The following HOMER1 variants were observed in gnomAD, a reference collection of about 807,000 sequenced individuals.
HOMER1 encodes the protein homer scaffold protein 1, also known as homer protein homolog 1.
In HOMER1, 3 loss-of-function variants were observed where a neutral mutation model predicts 48.9. The ratio of observed to expected loss-of-function variants is 0.06; its 90% CI spans 0.03 to 0.16. The LOEUF (loss-of-function observed/expected upper bound fraction) is 0.16. Ranked by LOEUF, HOMER1 falls within the 10% of genes least tolerant of loss-of-function variation. The pLI is 1.00. For missense variants in HOMER1, 247 were observed against 411.4 expected (o/e 0.60, Z 3.46); for synonymous variants, 134 against 146.4 (o/e 0.92, Z 0.61).
intron 5 of HOMER1, among the ~76,000 whole-genome samples, chr5:79,414,285 C>A (rs1749886251): frequency 6.6e-6 from 1 of 150,850 alleles, no homozygotes; most frequent in South Asian, 2.1e-4. Context: ...TGTACAGATG[C>A]AGTTTTGCAG....
intron 4 of HOMER1, among the ~76,000 whole-genome samples, chr5:79,443,223 C>G (rs1191199850): frequency 1.3e-5 from 2 of 152,022 alleles, no homozygotes; most frequent in Admixed American, 6.6e-5. Context: ...TTAATGAAAG[C>G]CAGGCTAAAT....
chr5:79,410,311 G>A (rs898885705), intron 5 of HOMER1, among the ~76,000 whole-genome samples: 1 of 151,794 alleles, frequency 6.6e-6, no homozygotes, highest in African/African-American at 2.4e-5. Flanking sequence ...GACCAACATG[G>A]AGAAACCACG....
chr5:79,430,177 A>G (rs1224806623), intron 5 of HOMER1, among the ~76,000 whole-genome samples: 1 of 152,236 alleles, frequency 6.6e-6, no homozygotes, highest in Non-Finnish European at 1.5e-5. Flanking sequence ...CTCAACAACA[A>G]AGAGACAAAC....
chr5:79,488,467 G>A (rs927776914), intron 1 of HOMER1, among the ~76,000 whole-genome samples: 2 of 152,138 alleles, frequency 1.3e-5, no homozygotes, highest in Admixed American at 6.6e-5. Context: ...TTCCATTCTA[G>A]TTTATACATC....
Position 79,375,745 on chromosome 5 carries a change from C to A in HOMER1, c.*264G>T, listed in dbSNP as rs1342747749. The A allele has an allele frequency of 1.7e-5, 5 of 296,080 alleles. No homozygotes were observed. Among genetic ancestry groups the A allele is most frequent in the Non-Finnish European group, 3.1e-5 (5 of 161,986 alleles). 18.3% of individuals were successfully genotyped at this position (296,080 alleles called of 1,614,324 possible). A position where few individuals can be genotyped will look rare whatever the true frequency, so the allele number is the denominator to read the frequency against. ...GATTGCATTAAGTGTCTATTTATAA[C>A]TTTCTAGTTAACTATGGCCAATAAT... is the stretch of plus-strand genomic sequence containing the variant. On this transcript the variant is annotated 3_prime_UTR_variant, in exon 9 of 9. Transcript: ENST00000334082.
chr5:79,440,957 A>G (rs1750720238), intron 4 of HOMER1, among the ~76,000 whole-genome samples: 1 of 152,164 alleles, frequency 6.6e-6, no homozygotes, highest in African/African-American at 2.4e-5. Context: ...CAGGAGTTCA[A>G]GACCAGCCTG....
chr5:79,404,337 A>G (rs967995892), intron 5 of HOMER1, among the ~76,000 whole-genome samples: 1 of 152,222 alleles, frequency 6.6e-6, no homozygotes, highest in African/African-American at 2.4e-5. Context: ...GTTTTATTTT[A>G]TAGTCACTAG....
chr5:79,412,995 T>C (rs191207295), intron 5 of HOMER1, among the ~76,000 whole-genome samples: 176 of 152,210 alleles, frequency 1.2e-3, no homozygotes, highest in Non-Finnish European at 1.5e-3. Context: ...ATATAATAAC[T>C]GAAATTTAAA....
intron 1 of HOMER1, among the ~76,000 whole-genome samples, chr5:79,512,318 A>G (rs1217338719): frequency 6.6e-6 from 1 of 152,222 alleles, no homozygotes; most frequent in East Asian, 1.9e-4. Flanking sequence ...GGTGAGGGCA[A>G]CAATTTACTC....
chr5:79,472,119 G>A (rs1284121979), intron 1 of HOMER1, among the ~76,000 whole-genome samples: 2 of 152,010 alleles, frequency 1.3e-5, no homozygotes, highest in East Asian at 3.9e-4. Flanking sequence ...GATTTTGACT[G>A]TTCTAATCAT....
chr5:79,469,334 A>G (rs902169691), intron 1 of HOMER1, among the ~76,000 whole-genome samples: 2 of 152,200 alleles, frequency 1.3e-5, no homozygotes, highest in African/African-American at 4.8e-5. Context: ...CTATTGCCAA[A>G]TAAGTTAAAC....
At chr5:79,405,296 T>C (rs2112225370) in intron 5 of HOMER1, among the ~76,000 whole-genome samples, 1 of 152,278 alleles carries the variant, frequency 6.6e-6, no homozygotes, top group African/African-American at 2.4e-5. Flanking sequence ...GCAGACGCCT[T>C]GATCTCAGAC....
intron 1 of HOMER1, among the ~76,000 whole-genome samples, chr5:79,486,458 A>C (rs962172975): frequency 3.3e-5 from 5 of 152,194 alleles, no homozygotes; most frequent in Non-Finnish European, 7.3e-5. Flanking sequence ...CAGCAACCAC[A>C]ACAGCTAACA....
At chr5:79,388,310 A>G (rs1410056475) in intron 8 of HOMER1, among the ~76,000 whole-genome samples, 1 of 152,180 alleles carries the variant, frequency 6.6e-6, no homozygotes, top group South Asian at 2.1e-4. Flanking sequence ...AAAACTATTA[A>G]AGGACATACA....
At position 79,491,075 on chromosome 5, in the gene HOMER1, C is replaced by CAAAAAAA. The variant is rs10527802; in HGVS notation, c.5+21688_5+21694dup. ...TTTTTGGCCTTCAGTAGTACCAAAG[C>CAAAAAAA]AAAAAAAAAAAAAAAAAAAAAAAAA... is the stretch of plus-strand genomic sequence containing the variant. On this transcript the variant is annotated intron_variant, in intron 1 of 8. Transcript: ENST00000334082. Among the ~76,000 whole-genome samples, 139 of 37,248 alleles carry CAAAAAAA rather than the reference C, an allele frequency of 3.7e-3. 28 individuals carry two copies. Among genetic ancestry groups the CAAAAAAA allele is most frequent in the Middle Eastern group, 0.031 (1 of 32 alleles). The allele number at this position is 37,248 out of a possible 152,430, so 24.4% of individuals were successfully genotyped here.
chr5:79,507,836 C>G (rs562422291), intron 1 of HOMER1, among the ~76,000 whole-genome samples: 4 of 152,296 alleles, frequency 2.6e-5, no homozygotes, highest in African/African-American at 9.6e-5. Flanking sequence ...TTCTGTCAAC[C>G]CCTTAACTCC....
At position 79,374,214 on chromosome 5, in the gene HOMER1, G is replaced by T. The variant is rs1215165877; in HGVS notation, c.*1795C>A. ...TTTATCAGAGAAATATCTCAGCTCT[G>T]AGCATGTGTATCTAAATTATTCTCC... On this transcript the variant is annotated 3_prime_UTR_variant, in exon 9 of 9. Transcript: ENST00000334082. 1 of 152,292 alleles carries T rather than the reference G, an allele frequency of 6.6e-6. No homozygotes were observed. 9.4% of individuals were successfully genotyped at this position (152,292 alleles called of 1,614,324 possible). A position where few individuals can be genotyped will look rare whatever the true frequency, so the allele number is the denominator to read the frequency against.
At chr5:79,402,182 T>C in intron 5 of HOMER1, 127 bp from the exon 6 acceptor site, 1 of 811,236 alleles carries the variant, frequency 1.2e-6, no homozygotes, top group Non-Finnish European at 1.8e-6. Flanking sequence ...TTTTTTTTTT[T>C]TGAGATGGAG....
chr5:79,375,919 T>G lies in HOMER1; in HGVS notation c.*90A>C. 1 of 576,458 alleles carries G rather than the reference T, an allele frequency of 1.7e-6. No homozygotes were observed. The highest frequency in any genetic ancestry group is 2.6e-6 in the Non-Finnish European group (1 of 389,202). The allele number at this position is 576,458 out of a possible 1,614,324, so 35.7% of individuals were successfully genotyped here. A position where few individuals can be genotyped will look rare whatever the true frequency, so the allele number is the denominator to read the frequency against. ...GTGATATTCAATTTTTTTTTTTTTTTTTTTGTGCAATCTTGATGCAGAGCC... is the reference window on the plus strand; with the variant it reads ...GTGATATTCAATTTTTTTTTTTTTTGTTTTGTGCAATCTTGATGCAGAGCC... On this transcript the variant is annotated 3_prime_UTR_variant, in exon 9 of 9. Coordinates refer to ENST00000334082, the MANE Select transcript of HOMER1 (RefSeq NM_004272.5).
Sources: allele counts gnomAD v4.1 joint callset (sites outside exome capture counted in the v4.1 genomes callset), GRCh38; gene constraint gnomAD v4.1.1; transcripts MANE v1.5; gene names NCBI Gene and HGNC (gene_info 2026-07-23, HGNC 2026-07-21).